The following GFRA1 variants were observed in gnomAD, a reference collection of about 807,000 sequenced individuals.
The protein encoded by GFRA1 is GDNF family receptor alpha 1.
GFRA1 carries 16 observed loss-of-function variants against 51.6 expected under a neutral mutation model. The observed-to-expected ratio is 0.31, with a 90% CI of 0.21 to 0.47. The LOEUF (loss-of-function observed/expected upper bound fraction) is 0.47, where lower values mean the gene tolerates loss of function less well. Ranked by LOEUF, GFRA1 falls within the 20% of genes least tolerant of loss-of-function variation. GFRA1 has a pLI of 1.00. For synonymous variants in GFRA1, 270 were observed against 241.3 expected (o/e 1.12, Z -1.10); for missense variants, 530 against 594.3 (o/e 0.89, Z 1.13).
At chr10:116,111,553 C>T (rs1418190043) in intron 6 of GFRA1, among the ~76,000 whole-genome samples, 1 of 152,196 alleles carries the variant, frequency 6.6e-6, no homozygotes, top group Non-Finnish European at 1.5e-5. Flanking sequence ...GCTGCCAGCC[C>T]ACACCCAGCC....
intron 5 of GFRA1, among the ~76,000 whole-genome samples, chr10:116,144,738 A>G (rs981177487): frequency 7.9e-5 from 12 of 152,216 alleles, no homozygotes; most frequent in African/African-American, 2.7e-4. Context: ...ACAAAATGTT[A>G]AAACTTTTAG....
At chr10:116,077,149 C>T (rs1254268262) in intron 9 of GFRA1, among the ~76,000 whole-genome samples, 1 of 152,154 alleles carries the variant, frequency 6.6e-6, no homozygotes, top group Non-Finnish European at 1.5e-5. Context: ...ACCAATTTAT[C>T]GCCTGTTTAA....
At chr10:116,198,250 C>T (rs539009211) in intron 5 of GFRA1, among the ~76,000 whole-genome samples, 11 of 152,264 alleles carry the variant, frequency 7.2e-5, no homozygotes, top group Non-Finnish European at 1.5e-4. Flanking sequence ...TGCTGGAGGT[C>T]CCAAACCTCC....
intron 5 of GFRA1, among the ~76,000 whole-genome samples, chr10:116,185,326 G>A (rs563564393): frequency 1.3e-5 from 2 of 152,072 alleles, no homozygotes; most frequent in Non-Finnish European, 2.9e-5. Flanking sequence ...GCACAGAGGT[G>A]CTCAGCTGAT....
upstream of GFRA1, among the ~76,000 whole-genome samples, chr10:116,274,597 T>C (rs2134861439): frequency 6.6e-6 from 1 of 152,158 alleles, no homozygotes; most frequent in South Asian, 2.1e-4. Context: ...GCATATTGTG[T>C]GGAGTCGCCA....
chr10:116,157,894 A>G (rs1169742701), intron 5 of GFRA1, among the ~76,000 whole-genome samples: 1 of 152,200 alleles, frequency 6.6e-6, no homozygotes, highest in African/African-American at 2.4e-5. Context: ...TGATGGGGTG[A>G]GAGAAGCATC....
intron 5 of GFRA1, among the ~76,000 whole-genome samples, chr10:116,185,224 T>C (rs79156891): frequency 0.015 from 2,290 of 151,846 alleles, 19 homozygotes; most frequent in Middle Eastern, 0.027. Flanking sequence ...CCTAACTTTG[T>C]GATATTGGAT....
At chr10:116,185,091 A>C (rs563308775) in intron 5 of GFRA1, among the ~76,000 whole-genome samples, 1 of 152,302 alleles carries the variant, frequency 6.6e-6, no homozygotes, top group Admixed American at 6.5e-5. Flanking sequence ...GTTCTAGTGA[A>C]GGGCTGTAAT....
chr10:116,100,237 C>T (rs1295465019), intron 6 of GFRA1, among the ~76,000 whole-genome samples: 1 of 152,146 alleles, frequency 6.6e-6, no homozygotes, highest in Non-Finnish European at 1.5e-5. Context: ...TTGTACATGC[C>T]AGGTACTGAT....
At chr10:116,142,692 T>C (rs1347670588) in intron 5 of GFRA1, among the ~76,000 whole-genome samples, 1 of 152,254 alleles carries the variant, frequency 6.6e-6, no homozygotes, top group Non-Finnish European at 1.5e-5. Flanking sequence ...AACTGATGTA[T>C]TTTTAAAGAG....
chr10:116,141,948 T>TA (rs1229878926), intron 5 of GFRA1, among the ~76,000 whole-genome samples: 1 of 152,126 alleles, frequency 6.6e-6, no homozygotes, highest in Non-Finnish European at 1.5e-5. Context: ...ATAAGTTGGT[T>TA]AGGCAGATCT....
intron 5 of GFRA1, among the ~76,000 whole-genome samples, chr10:116,147,776 G>A (rs892509412): frequency 1.1e-4 from 16 of 151,992 alleles, no homozygotes; most frequent in African/African-American, 3.6e-4. Flanking sequence ...AAGAGGCAGC[G>A]ACTCTGCAAA....
chr10:116,077,604 A>G (rs555785286), intron 9 of GFRA1, among the ~76,000 whole-genome samples: 1 of 152,364 alleles, frequency 6.6e-6, no homozygotes, highest in Admixed American at 6.5e-5. Flanking sequence ...TTTAAAATGA[A>G]TTATAAAACC....
intron 6 of GFRA1, among the ~76,000 whole-genome samples, chr10:116,121,954 G>C (rs1957664240): frequency 6.6e-6 from 1 of 152,154 alleles, no homozygotes; most frequent in African/African-American, 2.4e-5. Flanking sequence ...TCTGATGGAA[G>C]CAAACACTGC....
At chr10:116,143,953 G>A (rs985285954) in intron 5 of GFRA1, among the ~76,000 whole-genome samples, 1 of 152,142 alleles carries the variant, frequency 6.6e-6, no homozygotes, top group Non-Finnish European at 1.5e-5. Context: ...GCTCGGTTTG[G>A]TAGAACATCT....
chr10:116,214,949 T>C (rs1965457338), intron 4 of GFRA1, among the ~76,000 whole-genome samples: 1 of 152,234 alleles, frequency 6.6e-6, no homozygotes, highest in Non-Finnish European at 1.5e-5. Context: ...ACAGTAGCTA[T>C]TTTAGATTTT....
At chr10:116,190,044 C>G (rs573428885) in intron 5 of GFRA1, among the ~76,000 whole-genome samples, 1 of 152,138 alleles carries the variant, frequency 6.6e-6, no homozygotes, top group Non-Finnish European at 1.5e-5. Context: ...AACCAAAGCA[C>G]AGCAACTGGG....
At chr10:116,075,677 C>T (rs1565555935) in intron 9 of GFRA1, among the ~76,000 whole-genome samples, 2 of 152,192 alleles carry the variant, frequency 1.3e-5, no homozygotes, top group South Asian at 4.2e-4. Flanking sequence ...GGAAACTAAC[C>T]ACCCTGCACT....
intron 4 of GFRA1, among the ~76,000 whole-genome samples, chr10:116,242,418 A>G (rs1017346739): frequency 1.3e-5 from 2 of 152,236 alleles, no homozygotes; most frequent in Admixed American, 1.3e-4. Context: ...AAGCTAAACA[A>G]TATACACTAA....
Sources: gnomAD v4.1 joint callset for allele counts (sites outside exome capture counted in the v4.1 genomes callset) on GRCh38, gnomAD v4.1.1 for gene constraint, MANE v1.5 for transcripts, NCBI Gene and HGNC (gene_info 2026-07-23, HGNC 2026-07-21) for gene names.